Variants in NMT2 observed in about 807,000 individuals in gnomAD.
The protein encoded by NMT2 is glycylpeptide N-tetradecanoyltransferase 2.
Under a neutral mutation model 65.4 loss-of-function variants are expected in NMT2, and 35 were observed. The observed-to-expected ratio is 0.54, with a 90% confidence interval of 0.41 to 0.71. The LOEUF is 0.71. Ranked by LOEUF, NMT2 falls within the 30% of genes least tolerant of loss-of-function variation. The probability of loss-of-function intolerance (pLI) is 0.00; values close to 1 mark genes in which losing one functional copy is unlikely to be tolerated. For missense variants in NMT2, 489 were observed against 611.3 expected, an observed-to-expected ratio of 0.80 and a Z score of 2.11; for synonymous variants, 226 against 231.8, an observed-to-expected ratio of 0.98 and a Z score of 0.23.
intron 9 of NMT2, 95 bp downstream of exon 9, chr10:15,119,248 T>G: frequency 6.6e-5 from 70 of 1,065,950 alleles, no homozygotes; most frequent in East Asian, 9.5e-5. Flanking sequence ...TGTTCTGTGA[T>G]GAAATAGAAG....
At chr10:15,126,556 T>G (rs555872990) in intron 8 of NMT2, among the ~76,000 whole-genome samples, 2 of 152,130 alleles carry the variant, frequency 1.3e-5, no homozygotes, top group Admixed American at 6.6e-5. Context: ...CTGGCTTTGA[T>G]GAATAAGCTG....
At chr10:15,139,118 C>T (rs1259372934) in intron 2 of NMT2, among the ~76,000 whole-genome samples, 1 of 152,168 alleles carries the variant, frequency 6.6e-6, no homozygotes, top group Non-Finnish European at 1.5e-5. Context: ...ATACTGGATG[C>T]TTCCTGCCCT....
chr10:15,155,219 G>A, intron 1 of NMT2: 1 of 1,526,630 alleles, frequency 6.6e-7, no homozygotes, highest in Non-Finnish European at 9.1e-7. Context: ...GAGCACGAAA[G>A]TTTTCTGTCT....
intron 1 of NMT2, among the ~76,000 whole-genome samples, chr10:15,163,764 C>T (rs1564595458): frequency 6.6e-6 from 1 of 152,152 alleles, no homozygotes; most frequent in African/African-American, 2.4e-5. Context: ...GAAGAACTTC[C>T]TTTTTTTACC....
chr10:15,121,538 T>C (rs924446410), intron 8 of NMT2, among the ~76,000 whole-genome samples: 1 of 152,170 alleles, frequency 6.6e-6, no homozygotes, highest in Admixed American at 6.5e-5. Flanking sequence ...CGGCTAATTT[T>C]GTGTTTTTAG....
intron 1 of NMT2, among the ~76,000 whole-genome samples, chr10:15,144,388 A>G (rs1261414345): frequency 6.6e-6 from 1 of 152,164 alleles, no homozygotes; most frequent in Non-Finnish European, 1.5e-5. Flanking sequence ...TTTGAGAATA[A>G]GAGCTGACCA....
At chr10:15,114,801 G>A (rs1376669695) in intron 9 of NMT2, among the ~76,000 whole-genome samples, 4 of 152,128 alleles carry the variant, frequency 2.6e-5, no homozygotes, top group African/African-American at 4.8e-5. Flanking sequence ...TCAGAAGTTC[G>A]AGACCAGCCT....
At chr10:15,164,182 CAAAAA>C (rs34847914) in intron 1 of NMT2, among the ~76,000 whole-genome samples, 4 of 69,864 alleles carry the variant, frequency 5.7e-5, no homozygotes, top group Non-Finnish European at 5.3e-5. Flanking sequence ...GAATTGGTCT[CAAAAA>C]AAAAAAAAAA....
In NMT2 at chr10:15,105,966, T is replaced by A. The variant is rs73602488; in HGVS notation, c.*3229A>T. ...TAACTGTCACCGTGAGGTAAGCTCA[T>A]GACAAAGTTTCCAACTGGCAATGCT... On this transcript the variant is annotated 3_prime_UTR_variant, in exon 12 of 12. Transcript: ENST00000378165. The A allele has an allele frequency of 0.018, 7,201 of 390,798 alleles. 486 individuals carry two copies. The highest frequency in any genetic ancestry group is 0.14 in the African/African-American group (6,610 of 45,826). The allele number at this position is 390,798 out of a possible 1,614,324, so 24.2% of individuals were successfully genotyped here. A position where few individuals can be genotyped will look rare whatever the true frequency, so the allele number is the denominator to read the frequency against.
intron 1 of NMT2, chr10:15,154,789 G>A (rs1342217520): frequency 1.4e-6 from 1 of 730,354 alleles, no homozygotes. Context: ...TAAAACACAA[G>A]TCAAACTTAT....
chr10:15,139,896 T>TGC (rs1846677736), intron 2 of NMT2: 1 of 114,878 alleles, frequency 8.7e-6, no homozygotes, highest in South Asian at 2.7e-4. Context: ...TATATATATA[T>TGC]ATATATATAT....
At chr10:15,168,305 G>C in intron 1 of NMT2, 198 bp downstream of exon 1, 1 of 456,606 alleles carries the variant, frequency 2.2e-6, no homozygotes, top group Non-Finnish European at 3.9e-6. Flanking sequence ...CCCACCCCGG[G>C]CCTCGCCTCC....
chr10:15,160,688 C>T (rs892438980), intron 1 of NMT2, among the ~76,000 whole-genome samples: 3 of 151,928 alleles, frequency 2.0e-5, no homozygotes, highest in Non-Finnish European at 4.4e-5. Context: ...GCAGGAGAAT[C>T]GCTTGAACCT....
chr10:15,136,712 T>A (rs1305702991), intron 2 of NMT2, among the ~76,000 whole-genome samples: 3 of 152,172 alleles, frequency 2.0e-5, no homozygotes, highest in Non-Finnish European at 2.9e-5. Flanking sequence ...TAGCCTGTCG[T>A]TCCCAGCCCA....
At chr10:15,133,776 C>T (rs375513117) in intron 3 of NMT2, among the ~76,000 whole-genome samples, 1 of 151,980 alleles carries the variant, frequency 6.6e-6, no homozygotes, top group Non-Finnish European at 1.5e-5. Flanking sequence ...TTTGTAGAGA[C>T]GGAGTCTCAT....
chr10:15,128,541 TA>T (rs1289688185), intron 7 of NMT2, 83 bp from the exon 8 acceptor site: 2 of 854,810 alleles, frequency 2.3e-6, no homozygotes, highest in African/African-American at 1.7e-5. Flanking sequence ...GGCTGTTACA[TA>T]AGCATTTACT....
In NMT2 at chr10:15,107,591, A is replaced by G; in HGVS notation, c.*1604T>C. ...CCTCAGCCTCCTAGCAGCTGGGATT[A>G]CAGGCACCCGCCACCACACCCAGCT... On this transcript the variant is annotated 3_prime_UTR_variant, in exon 12 of 12. Transcript: ENST00000378165. The G allele has an allele frequency of 2.2e-6, 1 of 452,264 alleles. No individual in the cohort carries two copies. Among genetic ancestry groups the G allele is most frequent in the Non-Finnish European group, 2.9e-6 (1 of 343,068 alleles). 28.0% of individuals were successfully genotyped at this position (452,264 alleles called of 1,614,324 possible).
intron 1 of NMT2, among the ~76,000 whole-genome samples, chr10:15,160,749 G>A (rs928642696): frequency 2.0e-5 from 3 of 151,934 alleles, no homozygotes; most frequent in Non-Finnish European, 2.9e-5. Context: ...ACTCCAGCCT[G>A]GGCAACAGAG....
intron 8 of NMT2, among the ~76,000 whole-genome samples, chr10:15,126,037 G>C (rs1230029375): frequency 6.6e-6 from 1 of 151,902 alleles, no homozygotes; most frequent in Non-Finnish European, 1.5e-5. Context: ...CAGATTCTAA[G>C]ATGGCCCCCA....
Sources: allele counts gnomAD v4.1 joint callset (sites outside exome capture counted in the v4.1 genomes callset), GRCh38; gene constraint gnomAD v4.1.1; transcripts MANE v1.5; gene names NCBI Gene and HGNC (gene_info 2026-07-23, HGNC 2026-07-21).